TNRC6B: variants seen among roughly 807,000 people sequenced by gnomAD.
TNRC6B encodes the protein trinucleotide repeat containing adaptor 6B, also known as trinucleotide repeat-containing gene 6B protein.
TNRC6B carries 52 observed loss-of-function variants against 203.6 expected under a neutral mutation model. The observed-to-expected ratio is 0.26, with a 90% CI of 0.20 to 0.32. TNRC6B has a LOEUF of 0.32. Among genes scored for constraint, TNRC6B ranks in the 10% least tolerant of loss-of-function variants. The pLI is 1.00. For missense variants in TNRC6B, 1,923 were observed against 2,286.2 expected, an observed-to-expected ratio of 0.84 and a Z score of 3.24; for synonymous variants, 838 against 845.7, an observed-to-expected ratio of 0.99 and a Z score of 0.16.
chr22:40,071,967 C>T (rs762641339), intron 1 of TNRC6B, among the ~76,000 whole-genome samples: 5 of 152,154 alleles, frequency 3.3e-5, no homozygotes, highest in African/African-American at 9.7e-5. Flanking sequence ...AGTCTTCCCA[C>T]CTCAGCCTTT....
At chr22:40,233,742 A>G (rs1012881207) in intron 1 of TNRC6B, among the ~76,000 whole-genome samples, 2 of 152,230 alleles carry the variant, frequency 1.3e-5, no homozygotes, top group South Asian at 2.1e-4. Context: ...TCAGAGGGCT[A>G]TGTCGGCAAA....
At chr22:40,220,382 G>A (rs150396068) in intron 1 of TNRC6B, among the ~76,000 whole-genome samples, 90 of 152,250 alleles carry the variant, frequency 5.9e-4, no homozygotes, top group Middle Eastern at 3.4e-3. Context: ...TTGAGGGAGG[G>A]GTGGAGGTTT....
chr22:40,265,705 A>G lies in TNRC6B; in HGVS notation c.1475A>G (p.Asn492Ser), dbSNP rs370276937. 4.8e-5 allele frequency: 77 copies of G among 1,613,896 alleles called. No individual in the cohort carries two copies. Among genetic ancestry groups the G allele is most frequent in the Non-Finnish European group, 6.0e-5 (71 of 1,179,888 alleles). Residue 492 changes from asparagine (N) to serine (S), a missense_variant, in exon 5 of 23, where the codon AAT becomes AGT. By Grantham distance (46) the Asn-to-Ser change is conservative. This residue lies in a region of TNRC6B where 614 missense variants were observed against 587.7 expected (regional missense o/e 1.04). Transcript: ENST00000454349. ...GSWNFGPQDS[N>S]DNKWGEGNKM... Reference sequence around the variant, plus strand: ...TGGAACTTTGGCCCCCAGGACTCTAATGACAACAAATGGGGTGAAGGGAAC... The same window carrying G: ...TGGAACTTTGGCCCCCAGGACTCTAGTGACAACAAATGGGGTGAAGGGAAC...
chr22:40,155,433 C>T (rs191588396), intron 3 of TNRC6B, among the ~76,000 whole-genome samples: 3 of 152,194 alleles, frequency 2.0e-5, no homozygotes, highest in Admixed American at 2.0e-4. Context: ...GGACTAAAGG[C>T]GCACACCACC....
chr22:40,136,199 C>T (rs1171556110), intron 3 of TNRC6B, among the ~76,000 whole-genome samples: 2 of 151,982 alleles, frequency 1.3e-5, no homozygotes, highest in Non-Finnish European at 2.9e-5. Context: ...TAACTTAGGT[C>T]GATATTCTAA....
chr22:40,156,986 G>T (rs2068823838), intron 4 of TNRC6B, among the ~76,000 whole-genome samples: 1 of 151,888 alleles, frequency 6.6e-6, no homozygotes, highest in African/African-American at 2.4e-5. Context: ...TGTTAGTCAG[G>T]CTGCTCTTGA....
upstream of TNRC6B, among the ~76,000 whole-genome samples, chr22:40,173,311 G>T (rs546698337): frequency 1.3e-5 from 2 of 151,708 alleles, no homozygotes; most frequent in African/African-American, 4.8e-5. Flanking sequence ...TGACCAGGAT[G>T]GTCTTGATCA....
chr22:40,316,120 C>T lies in TNRC6B; in HGVS notation c.4974+108C>T, dbSNP rs376377575. On this transcript the variant is annotated intron_variant, in intron 21 of 22. Transcript: ENST00000454349. ...CTGTAATCCAAGCACTTTGGGAGGC[C>T]GAGGCGGGTGCATCACGAGGTCAGG... 3,181 of 936,690 alleles carry T rather than the reference C, an allele frequency of 3.4e-3. 13 individuals are homozygous for T. The highest frequency in any genetic ancestry group is 4.9e-3 in the Non-Finnish European group (2,919 of 601,010). The allele number at this position is 936,690 out of a possible 1,614,324, so 58.0% of individuals were successfully genotyped here.
intron 1 of TNRC6B, among the ~76,000 whole-genome samples, chr22:40,230,022 T>G (rs935343654): frequency 2.0e-5 from 3 of 152,232 alleles, no homozygotes; most frequent in African/African-American, 7.2e-5. Context: ...TTTAGCTTTT[T>G]AAGAAACTGC....
intron 3 of TNRC6B, among the ~76,000 whole-genome samples, chr22:40,135,349 A>G (rs1346577167): frequency 1.3e-5 from 2 of 152,182 alleles, no homozygotes; most frequent in East Asian, 3.8e-4. Flanking sequence ...TCCACCATAC[A>G]GCGACTAGAG....
intron 4 of TNRC6B, among the ~76,000 whole-genome samples, chr22:40,163,305 T>C (rs1486501284): frequency 2.1e-5 from 3 of 142,458 alleles, no homozygotes; most frequent in Non-Finnish European, 4.5e-5. Flanking sequence ...TTCCAGCTTC[T>C]CAAGATCACC....
chr22:40,156,303 G>C, intron 4 of TNRC6B: 3 of 919,520 alleles, frequency 3.3e-6, no homozygotes, highest in Non-Finnish European at 5.0e-6. Context: ...GAACTCACCA[G>C]TTGCTTTGGT....
At position 40,213,338 on chromosome 22, in the gene TNRC6B, C is replaced by T. The variant is rs556700758; in HGVS notation, c.6-32677C>T. Among the ~76,000 whole-genome samples, 10 of 152,208 alleles carry T rather than the reference C, an allele frequency of 6.6e-5. No homozygotes were observed. In the South Asian group the frequency reaches 8.3e-4, roughly 13 times the overall value. Reference sequence around the variant, plus strand: ...ATCAGGGAGGCTTTCCCAGAGGAGGCGGCACCCTCAGTCTGAGAAGTATTG... The same window carrying T: ...ATCAGGGAGGCTTTCCCAGAGGAGGTGGCACCCTCAGTCTGAGAAGTATTG... On this transcript the variant is annotated intron_variant, in intron 1 of 22. Transcript: ENST00000454349.
rs2070289386 is a variant in TNRC6B, at chr22:40,256,994, G to GT, written c.116-4837dup. On this transcript the variant is annotated intron_variant, in intron 3 of 22. Transcript: ENST00000454349. ...CAGTGTGTGTTGGGTTGAGGAGGGA[G>GT]TGGAAGGTAAAGAAATAGAGGCAGT... Among the ~76,000 whole-genome samples, 13 of 152,314 alleles carry GT rather than the reference G, an allele frequency of 8.5e-5. No individual in the cohort carries two copies. The South Asian group carries it at 2.7e-3, about 32-fold the overall frequency.
intron 3 of TNRC6B, among the ~76,000 whole-genome samples, chr22:40,148,672 G>A (rs1217049011): frequency 1.7e-5 from 1 of 59,218 alleles, no homozygotes; most frequent in Non-Finnish European, 3.4e-5. Flanking sequence ...GTTGAAATAC[G>A]AACTCCCAGA....
chr22:40,183,203 A>G (rs902281094), intron 1 of TNRC6B, among the ~76,000 whole-genome samples: 1 of 152,172 alleles, frequency 6.6e-6, no homozygotes, highest in East Asian at 1.9e-4. Context: ...CATAAAGGAA[A>G]TGCTATATGT....
Position 40,311,091 on chromosome 22 carries a change from G to A in TNRC6B, c.4435+98G>A, listed in dbSNP as rs920324448. On this transcript the variant is annotated intron_variant, in intron 17 of 22. Transcript: ENST00000454349. ...TGCTTTTGTGATTCATGTTACTAAG[G>A]TACTTGCTTTTATTTTTTTCATTCA... is the stretch of plus-strand genomic sequence containing the variant. 1.3e-5 allele frequency: 17 copies of A among 1,290,740 alleles called. No individual in the cohort carries two copies. The Admixed American group carries it at 3.4e-4, about 26-fold the overall frequency. 80.0% of individuals were successfully genotyped at this position (1,290,740 alleles called of 1,614,324 possible). A position where few individuals can be genotyped will look rare whatever the true frequency, so the allele number is the denominator to read the frequency against.
At chr22:40,226,536 G>A (rs1263595387) in intron 1 of TNRC6B, among the ~76,000 whole-genome samples, 3 of 152,044 alleles carry the variant, frequency 2.0e-5, no homozygotes, top group Non-Finnish European at 4.4e-5. Context: ...TAAAATTCTT[G>A]GTTTTTTCTT....
At chr22:40,206,223 C>T (rs2069475924) in intron 1 of TNRC6B, among the ~76,000 whole-genome samples, 1 of 152,052 alleles carries the variant, frequency 6.6e-6, no homozygotes, top group Middle Eastern at 3.4e-3. Flanking sequence ...GTATGAGATG[C>T]TCATTAAAGA....
Sources: gnomAD v4.1 joint callset for allele counts (sites outside exome capture counted in the v4.1 genomes callset) on GRCh38, gnomAD v4.1.1 for gene constraint, gnomAD v4.1.1 regional missense constraint, MANE v1.5 for transcripts, NCBI Gene and HGNC (gene_info 2026-07-23, HGNC 2026-07-21) for gene names.